Variants in ABCA13 observed in about 807,000 individuals in gnomAD.
ABCA13 encodes the protein ATP binding cassette subfamily A member 13.
Under a neutral mutation model 478.7 loss-of-function variants are expected in ABCA13, and 476 were observed. The ratio of observed to expected loss-of-function variants is 0.99; its 90% CI spans 0.92 to 1.07. ABCA13 has a LOEUF of 1.07. Among genes scored for constraint, ABCA13 ranks in the 50% least tolerant of loss-of-function variants. The pLI is 0.00. For missense variants in ABCA13, 6,060 were observed against 5,910.6 expected, an observed-to-expected ratio of 1.03 and a Z score of -0.83; for synonymous variants, 2,252 against 2,158.9, an observed-to-expected ratio of 1.04 and a Z score of -1.20.
At chr7:48,391,093 C>T (rs142379975) in intron 37 of ABCA13, among the ~76,000 whole-genome samples, 2 of 152,262 alleles carry the variant, frequency 1.3e-5, no homozygotes, top group African/African-American at 2.4e-5. Context: ...TTGGTAAAGT[C>T]GGTCATGTGA....
intron 3 of ABCA13, among the ~76,000 whole-genome samples, chr7:48,203,219 C>T (rs756583067): frequency 2.2e-4 from 33 of 149,552 alleles, no homozygotes; most frequent in Non-Finnish European, 4.2e-4. Flanking sequence ...CGGGCGGGGC[C>T]CGCCAAGCCC....
intron 59 of ABCA13, among the ~76,000 whole-genome samples, chr7:48,639,282 G>T (rs2131679046): frequency 6.6e-6 from 1 of 152,266 alleles, no homozygotes; most frequent in Middle Eastern, 3.4e-3. Context: ...CTTCCTCAGT[G>T]CCATCCTCTC....
intron 3 of ABCA13, among the ~76,000 whole-genome samples, chr7:48,210,762 T>C (rs1048988258): frequency 1.3e-5 from 2 of 152,278 alleles, no homozygotes; most frequent in South Asian, 4.1e-4. Flanking sequence ...GCCTAATATA[T>C]AATATATCCT....
At chr7:48,301,303 C>T (rs1037195953) in intron 23 of ABCA13, among the ~76,000 whole-genome samples, 1 of 152,094 alleles carries the variant, frequency 6.6e-6, no homozygotes, top group African/African-American at 2.4e-5. Flanking sequence ...ATTTCCTTAT[C>T]TCACTTGGGG....
chr7:48,202,628 C>T (rs1366874909), intron 3 of ABCA13, among the ~76,000 whole-genome samples: 5 of 150,844 alleles, frequency 3.3e-5, no homozygotes, highest in Non-Finnish European at 5.9e-5. Context: ...GTTTACAATC[C>T]CTGAGCTAGA....
chr7:48,208,979 T>C (rs1785275943), intron 3 of ABCA13, among the ~76,000 whole-genome samples: 1 of 152,130 alleles, frequency 6.6e-6, no homozygotes, highest in Admixed American at 6.5e-5. Flanking sequence ...GTGTTCCTTC[T>C]ATATCCAGTT....
chr7:48,403,586 C>T (rs1054409649), intron 38 of ABCA13, 97 bp from the exon 39 acceptor site: 30 of 1,241,698 alleles, frequency 2.4e-5, no homozygotes, highest in Admixed American at 6.2e-5. Context: ...TGGTTTATAA[C>T]GATTTCAGCC....
chr7:48,192,863 C>A, intron 1 of ABCA13, 96 bp from the exon 2 acceptor site: 1 of 929,076 alleles, frequency 1.1e-6, no homozygotes, highest in Non-Finnish European at 1.6e-6. Flanking sequence ...TTCTGAGACA[C>A]ACAGCAGGGA....
intron 59 of ABCA13, among the ~76,000 whole-genome samples, chr7:48,641,079 A>G (rs1795068969): frequency 1.3e-5 from 2 of 152,166 alleles, no homozygotes. Flanking sequence ...AAGAATTTTA[A>G]TTATTAATGT....
chr7:48,397,873 A>C (rs570483423), intron 38 of ABCA13, among the ~76,000 whole-genome samples: 1 of 152,168 alleles, frequency 6.6e-6, no homozygotes, highest in Non-Finnish European at 1.5e-5. Context: ...GGATGATACT[A>C]TACATTTTAT....
At chr7:48,215,333 A>T (rs1786284615) in intron 3 of ABCA13, among the ~76,000 whole-genome samples, 1 of 152,150 alleles carries the variant, frequency 6.6e-6, no homozygotes, top group African/African-American at 2.4e-5. Context: ...CACAATATTT[A>T]TTGATTGAGT....
intron 24 of ABCA13, among the ~76,000 whole-genome samples, chr7:48,311,927 C>T (rs190455700): frequency 1.7e-4 from 26 of 152,264 alleles, no homozygotes; most frequent in African/African-American, 4.6e-4. Context: ...CTTGGAGCTG[C>T]GCTGGATCCC....
chr7:48,187,968 C>T (rs1445867835), intron 1 of ABCA13, among the ~76,000 whole-genome samples: 1 of 151,946 alleles, frequency 6.6e-6, no homozygotes, highest in Non-Finnish European at 1.5e-5. Context: ...TGTTTTATTG[C>T]CACCTATACT....
At chr7:48,472,971 A>G (rs774892524) in intron 45 of ABCA13, among the ~76,000 whole-genome samples, 3 of 152,182 alleles carry the variant, frequency 2.0e-5, no homozygotes, top group Non-Finnish European at 2.9e-5. Context: ...ACAGCTCTAC[A>G]TGGCTGGGGA....
At chr7:48,498,762 A>G (rs933341050) in intron 48 of ABCA13, among the ~76,000 whole-genome samples, 5 of 152,202 alleles carry the variant, frequency 3.3e-5, no homozygotes, top group African/African-American at 7.2e-5. Context: ...TGTCCATTAG[A>G]AAGAATGCCA....
At chr7:48,355,864 C>T (rs919612022) in intron 31 of ABCA13, among the ~76,000 whole-genome samples, 2 of 151,936 alleles carry the variant, frequency 1.3e-5, no homozygotes, top group Non-Finnish European at 2.9e-5. Context: ...AGAAACTCAG[C>T]TTTGGACATG....
intron 1 of ABCA13, among the ~76,000 whole-genome samples, chr7:48,187,798 C>T (rs1796564338): frequency 6.6e-6 from 1 of 151,562 alleles, no homozygotes; most frequent in African/African-American, 2.4e-5. Flanking sequence ...AATATTTGTC[C>T]TTATTAAAGT....
In ABCA13 at chr7:48,591,076, C is replaced by CT. The variant is rs200602257; in HGVS notation, c.14641-3623dup. ...CCAAGACCAATGTCAAGGAGCTCTT[C>CT]TTTTTTTTTTTCTACAAGTTTCATG... On this transcript the variant is annotated intron_variant, in intron 57 of 61. Coordinates refer to ENST00000435803, the MANE Select transcript of ABCA13 (RefSeq NM_152701.5). Among the ~76,000 whole-genome samples, 212 of 145,776 alleles carry CT rather than the reference C, an allele frequency of 1.5e-3. 2 individuals are homozygous for CT. The South Asian group carries it at 0.031, about 22-fold the overall frequency.
chr7:48,178,944 G>A (rs1795257407), intron 1 of ABCA13, among the ~76,000 whole-genome samples: 1 of 148,298 alleles, frequency 6.7e-6, no homozygotes, highest in Admixed American at 6.7e-5. Context: ...TTAGGATGGT[G>A]GATTTACGTG....
Sources: allele counts gnomAD v4.1 joint callset (sites outside exome capture counted in the v4.1 genomes callset), GRCh38; gene constraint gnomAD v4.1.1; transcripts MANE v1.5; gene names NCBI Gene and HGNC (gene_info 2026-07-23, HGNC 2026-07-21).